Variants in CCDC126 observed in about 807,000 individuals in gnomAD.
CCDC126 encodes the protein coiled-coil domain containing 126.
Under a neutral mutation model 11.7 loss-of-function variants are expected in CCDC126, and 5 were observed. The ratio of observed to expected loss-of-function variants is 0.43; its 90% CI spans 0.22 to 0.90. The LOEUF (loss-of-function observed/expected upper bound fraction) is 0.90. Among genes scored for constraint, CCDC126 ranks in the 40% least tolerant of loss-of-function variants. The pLI is 0.27. For synonymous variants in CCDC126, 60 were observed against 61.9 expected (o/e 0.97, Z 0.14); for missense variants, 150 against 163.1 (o/e 0.92, Z 0.44).
intron 3 of CCDC126, among the ~76,000 whole-genome samples, chr7:23,638,970 A>T (rs1439879055): frequency 6.6e-6 from 1 of 150,602 alleles, no homozygotes. Context: ...TCCAGTATTT[A>T]TGATTTAGTC....
At chr7:23,613,016 A>C (rs181335116) in intron 3 of CCDC126, among the ~76,000 whole-genome samples, 1 of 152,234 alleles carries the variant, frequency 6.6e-6, no homozygotes, top group East Asian at 1.9e-4. Context: ...TTGTTTGTTT[A>C]ATTAAAAGTT....
chr7:23,604,047 G>GT (rs1306297479), intron 2 of CCDC126: 1 of 152,204 alleles, frequency 6.6e-6, no homozygotes, highest in Non-Finnish European at 1.5e-5. Context: ...TCTATCCGAG[G>GT]TAAGATTTAA....
At position 23,643,246 on chromosome 7, in the gene CCDC126, C is replaced by T; in HGVS notation, c.*131C>T. On this transcript the variant is annotated 3_prime_UTR_variant, in exon 4 of 4. Transcript: ENST00000307471. The stretch of plus-strand genomic sequence containing the variant: ...GCTCTACACATTTTCAAGGAGTATG[C>T]TGGATTCATGGAACTCTAATTCTGT... 2.5e-6 allele frequency: 2 copies of T among 797,110 alleles called. No individual in the cohort carries two copies. The highest frequency in any genetic ancestry group is 3.8e-6 in the Non-Finnish European group (2 of 519,890). 49.4% of individuals were successfully genotyped at this position (797,110 alleles called of 1,614,324 possible). A position where few individuals can be genotyped will look rare whatever the true frequency, so the allele number is the denominator to read the frequency against.
chr7:23,611,414 T>G lies in CCDC126; in HGVS notation c.99T>G (p.Thr33=), dbSNP rs1256315467. The change falls in exon 3 of 4, where the codon ACT becomes ACG. Residue 33 remains threonine, a synonymous_variant. Coordinates refer to ENST00000307471, the MANE Select transcript of CCDC126 (RefSeq NM_138771.4). ...GGGGATTGATGTTACTGCACTATAC[T>G]TTTCAACAACCAAGACATCAAAGCA... The part of the protein sequence containing the change: ...LIWGLMLLHY[T]FQQPRHQSSV... The G allele has an allele frequency of 1.2e-6, 2 of 1,613,920 alleles. No individual in the cohort carries two copies. The highest frequency in any genetic ancestry group is 1.7e-6 in the Non-Finnish European group (2 of 1,179,852).
At chr7:23,642,783 C>A in intron 3 of CCDC126, 148 bp from the exon 4 acceptor site, 1 of 587,800 alleles carries the variant, frequency 1.7e-6, no homozygotes, top group Non-Finnish European at 2.8e-6. Flanking sequence ...AAAAATTAGG[C>A]TTTTCCTATT....
intron 3 of CCDC126, among the ~76,000 whole-genome samples, chr7:23,616,084 G>A (rs2128016859): frequency 6.6e-6 from 1 of 152,284 alleles, no homozygotes; most frequent in South Asian, 2.1e-4. Context: ...TTACATTATG[G>A]TTACTTTCCT....
intron 3 of CCDC126, among the ~76,000 whole-genome samples, chr7:23,630,954 G>T (rs1001384849): frequency 1.3e-5 from 2 of 151,892 alleles, no homozygotes; most frequent in Non-Finnish European, 2.9e-5. Context: ...CAAGGGAAAT[G>T]AATACAAATG....
chr7:23,607,087 G>T (rs561936389), intron 2 of CCDC126, among the ~76,000 whole-genome samples: 1 of 152,266 alleles, frequency 6.6e-6, no homozygotes, highest in Admixed American at 6.5e-5. Flanking sequence ...GCAACAGAGC[G>T]AGACCCTGTC....
rs1197420743 is a variant in CCDC126 at position 23,643,841 on chromosome 7, T to C, written c.*726T>C. 2 of 152,274 alleles carry C rather than the reference T, an allele frequency of 1.3e-5. No individual in the cohort carries two copies. The highest frequency in any genetic ancestry group is 1.9e-4 in the East Asian group (1 of 5,194). 9.4% of individuals were successfully genotyped at this position (152,274 alleles called of 1,614,324 possible). A position where few individuals can be genotyped will look rare whatever the true frequency, so the allele number is the denominator to read the frequency against. ...GTTGTAAACTCTAATCTTATACTTA[T>C]TGAAGAATAAAAGATATTTTTATGA... is the stretch of plus-strand genomic sequence containing the variant. On this transcript the variant is annotated 3_prime_UTR_variant, in exon 4 of 4. Coordinates refer to ENST00000307471, the MANE Select transcript of CCDC126 (RefSeq NM_138771.4).
At chr7:23,610,508 C>A (rs779691448) in intron 2 of CCDC126, among the ~76,000 whole-genome samples, 6 of 152,180 alleles carry the variant, frequency 3.9e-5, no homozygotes, top group Non-Finnish European at 7.4e-5. Flanking sequence ...GCCACTGCCC[C>A]TGGTCTCAAG....
rs1003280862 is a variant in CCDC126, at chr7:23,597,485, G to C, written c.-351G>C. The C allele has an allele frequency of 6.6e-5, 10 of 152,270 alleles. No homozygotes were observed. Among genetic ancestry groups the C allele is most frequent in the African/African-American group, 2.4e-4 (10 of 41,466 alleles). 9.4% of individuals were successfully genotyped at this position (152,270 alleles called of 1,614,324 possible). On this transcript the variant is annotated 5_prime_UTR_variant, in exon 1 of 4. Coordinates refer to ENST00000307471, the MANE Select transcript of CCDC126 (RefSeq NM_138771.4). Reference sequence around the variant, plus strand: ...CCACCCACCGGCGTTTCTCCAGCTCGATCTGGAGGCTGCTTCGCCAGTGTG... The same window carrying C: ...CCACCCACCGGCGTTTCTCCAGCTCCATCTGGAGGCTGCTTCGCCAGTGTG...
chr7:23,629,886 G>C (rs1430564812), intron 3 of CCDC126, among the ~76,000 whole-genome samples: 1 of 152,148 alleles, frequency 6.6e-6, no homozygotes, highest in African/African-American at 2.4e-5. Context: ...CAGGAGAAGA[G>C]AATGAGAGCA....
intron 2 of CCDC126, among the ~76,000 whole-genome samples, chr7:23,607,302 T>C (rs1782639423): frequency 6.6e-6 from 1 of 152,194 alleles, no homozygotes; most frequent in Non-Finnish European, 1.5e-5. Context: ...TTGGCCTCAA[T>C]GTTGGCCTAT....
chr7:23,613,903 T>G (rs1782756065), intron 3 of CCDC126, among the ~76,000 whole-genome samples: 1 of 152,234 alleles, frequency 6.6e-6, no homozygotes, highest in South Asian at 2.1e-4. Flanking sequence ...AAAAACAATG[T>G]ACATACCTTA....
intron 2 of CCDC126, chr7:23,604,303 A>G (rs1381196430): frequency 6.6e-6 from 1 of 152,208 alleles, no homozygotes; most frequent in East Asian, 1.9e-4. Flanking sequence ...TGGGTAAATA[A>G]AATTATCATA....
At chr7:23,630,929 T>A in intron 3 of CCDC126, among the ~76,000 whole-genome samples, 1 of 151,472 alleles carries the variant, frequency 6.6e-6, no homozygotes, top group African/African-American at 2.4e-5. Flanking sequence ...AAATAATGAG[T>A]CAAAGAGGAA....
chr7:23,640,528 A>G (rs1270240862), intron 3 of CCDC126, among the ~76,000 whole-genome samples: 3 of 152,120 alleles, frequency 2.0e-5, no homozygotes, highest in Non-Finnish European at 2.9e-5. Context: ...TAAATATGCA[A>G]TTCATCAATA....
rs754297249 is a variant in CCDC126 at position 23,640,991 on chromosome 7, G to GATTTTTTTTTTTTTTTTTTTTTTTTTTTT, written c.239-1940_239-1939insATTTTTTTTTTTTTTTTTTTTTTTTTTTT. On this transcript the variant is annotated intron_variant, in intron 3 of 3. Coordinates refer to ENST00000307471, the MANE Select transcript of CCDC126 (RefSeq NM_138771.4). ...ATCCCTCTGAGCTCTGAATCCTTTT[G>GATTTTTTTTTTTTTTTTTTTTTTTTTTTT]GTTTTTTTTTTTTTTTTTTTTTTTG... 3.6e-5 allele frequency among the ~76,000 whole-genome samples: 4 copies of GATTTTTTTTTTTTTTTTTTTTTTTTTTTT among 111,000 alleles called. 2 individuals carry two copies. Among genetic ancestry groups the GATTTTTTTTTTTTTTTTTTTTTTTTTTTT allele is most frequent in the Non-Finnish European group, 3.6e-5 (2 of 56,286 alleles). 72.8% of individuals were successfully genotyped at this position (111,000 alleles called of 152,430 possible).
chr7:23,610,399 A>G (rs1182203074), intron 2 of CCDC126, among the ~76,000 whole-genome samples: 1 of 152,076 alleles, frequency 6.6e-6, no homozygotes, highest in Non-Finnish European at 1.5e-5. Context: ...TTTTGTATAG[A>G]GATGAGGTCT....
Sources: allele counts gnomAD v4.1 joint callset (sites outside exome capture counted in the v4.1 genomes callset), GRCh38; gene constraint gnomAD v4.1.1; transcripts MANE v1.5; gene names NCBI Gene and HGNC (gene_info 2026-07-23, HGNC 2026-07-21).